The following AASS variants were observed in gnomAD, a reference collection of about 807,000 sequenced individuals.
AASS encodes the protein aminoadipate-semialdehyde synthase.
Under a neutral mutation model 105.4 loss-of-function variants are expected in AASS, and 86 were observed. The observed-to-expected ratio is 0.82, with a 90% confidence interval of 0.69 to 0.98. The LOEUF is 0.98. Ranked by LOEUF, AASS falls within the 50% of genes least tolerant of loss-of-function variation. The pLI, the probability that AASS is intolerant of heterozygous loss-of-function variation, is 0.00. For synonymous variants in AASS, 381 were observed against 394.8 expected (o/e 0.96, Z 0.41); for missense variants, 1,048 against 1,143.2 (o/e 0.92, Z 1.20).
chr7:122,103,127 A>G (rs2150525458), intron 11 of AASS, among the ~76,000 whole-genome samples: 1 of 152,202 alleles, frequency 6.6e-6, no homozygotes, highest in Admixed American at 6.5e-5. Context: ...ATGAAGCTCA[A>G]CAATCTCCAA....
At chr7:122,082,959 G>GT in intron 19 of AASS, 1 of 993,146 alleles carries the variant, frequency 1.0e-6, no homozygotes, top group East Asian at 6.0e-5. Context: ...AGACCATAAT[G>GT]GTTTATTCCC....
intron 2 of AASS, among the ~76,000 whole-genome samples, 183 bp from the exon 3 acceptor site, chr7:122,129,720 T>C (rs1421892385): frequency 6.6e-6 from 1 of 152,164 alleles, no homozygotes; most frequent in African/African-American, 2.4e-5. Context: ...AAATCTATCA[T>C]GTCAACTCTT....
At chr7:122,105,809 C>T (rs1279282651) in intron 11 of AASS, among the ~76,000 whole-genome samples, 1 of 151,958 alleles carries the variant, frequency 6.6e-6, no homozygotes, top group African/African-American at 2.4e-5. Flanking sequence ...CAATGTTGCA[C>T]CTCAAGGACC....
chr7:122,124,535 G>C (rs1408592597), intron 4 of AASS, among the ~76,000 whole-genome samples: 2 of 152,174 alleles, frequency 1.3e-5, no homozygotes, highest in South Asian at 4.2e-4. Flanking sequence ...TGCCCTCTTC[G>C]GCCTCCCGAA....
At chr7:122,107,995 T>G (rs919619809) in intron 11 of AASS, among the ~76,000 whole-genome samples, 3 of 148,632 alleles carry the variant, frequency 2.0e-5, no homozygotes, top group African/African-American at 7.4e-5. Context: ...ACATTACAAC[T>G]TATACCACAG....
Position 122,098,788 on chromosome 7 carries a change from T to A in AASS, c.1485A>T (p.Val495=). Reference sequence around the variant, plus strand: ...TGCCATCTCTTGATAAATATTCTAATACAGGCTCAGATATGTAGCCAGATC... The same window carrying A: ...TGCCATCTCTTGATAAATATTCTAAAACAGGCTCAGATATGTAGCCAGATC... ...VLGSGYISEP[V]LEYLSRDGNI... is the part of the protein sequence containing the mutation. The change falls in exon 14 of 24, where the codon GTA becomes GTT. Residue 495 remains valine, a synonymous_variant. Coordinates refer to ENST00000417368, the MANE Select transcript of AASS (RefSeq NM_005763.4). 6 of 1,596,532 alleles carry A rather than the reference T, an allele frequency of 3.8e-6. No individual in the cohort carries two copies. Among genetic ancestry groups the A allele is most frequent in the Non-Finnish European group, 5.1e-6 (6 of 1,172,552 alleles).
At chr7:122,140,226 C>G (rs1047765798) in intron 1 of AASS, among the ~76,000 whole-genome samples, 3 of 151,950 alleles carry the variant, frequency 2.0e-5, no homozygotes, top group Admixed American at 1.3e-4. Flanking sequence ...TGGCTCACAC[C>G]TGTAATCCCA....
intron 1 of AASS, 56 bp from the exon 2 acceptor site, chr7:122,133,797 G>T: frequency 6.9e-7 from 1 of 1,452,202 alleles, no homozygotes; most frequent in Non-Finnish European, 9.6e-7. Flanking sequence ...TGGCAGATCA[G>T]TTCTGGTCTC....
Position 122,133,743 on chromosome 7 carries a change from T to C in AASS, c.-15-2A>G. On this transcript the variant is annotated splice_acceptor_variant, in intron 1 of 23. Transcript: ENST00000417368. LOFTEE classifies it low-confidence loss of function (5UTR_SPLICE). ...TTGCAGCATCTTGACACCTGGTGAC[T>C]GTAAAGACAATGTAAAGAGCAGAGC... The C allele has an allele frequency of 6.2e-7, 1 of 1,613,136 alleles. No individual in the cohort carries two copies. Among genetic ancestry groups the C allele is most frequent in the Non-Finnish European group, 8.5e-7 (1 of 1,179,348 alleles).
In AASS at chr7:122,138,822, T is replaced by G. The variant is rs550028055; in HGVS notation, c.-15-5081A>C. ...GGGAAAGGAAAATGACAGAGACAGA[T>G]AGAGAGAGAGAGAAAAAAAAGGACA... On this transcript the variant is annotated intron_variant, in intron 1 of 23. Transcript: ENST00000417368. Among the ~76,000 whole-genome samples the G allele has an allele frequency of 1.5e-4, 22 of 151,438 alleles. No individual in the cohort carries two copies. In the Middle Eastern group the frequency reaches 0.01, roughly 70 times the overall value.
rs989278686 is a variant in AASS, at chr7:122,079,301, T to G, written c.2396+296A>C. On this transcript the variant is annotated intron_variant, in intron 21 of 23. Transcript: ENST00000417368. ...GGTCATATGAAAGAATGTTTTCATG[T>G]AATATTCTATGACTACTCCAAATCT... The G allele has an allele frequency of 3.7e-6, 5 of 1,346,656 alleles. No individual in the cohort carries two copies. In the African/African-American group the frequency reaches 7.4e-5, roughly 20 times the overall value. The allele number at this position is 1,346,656 out of a possible 1,614,324, so 83.4% of individuals were successfully genotyped here.
intron 4 of AASS, among the ~76,000 whole-genome samples, chr7:122,124,154 C>T (rs1795551645): frequency 6.6e-6 from 1 of 152,188 alleles, no homozygotes; most frequent in South Asian, 2.1e-4. Flanking sequence ...CACACTTGTA[C>T]TGTCCTCTCC....
chr7:122,111,467 A>C (rs1011542559), intron 11 of AASS, among the ~76,000 whole-genome samples: 1 of 152,214 alleles, frequency 6.6e-6, no homozygotes, highest in African/African-American at 2.4e-5. Flanking sequence ...CTGCAGGGAA[A>C]TGATGCCAAA....
In AASS at chr7:122,116,719, G is replaced by T; in HGVS notation, c.808C>A (p.His270Asn). ...VYGTVLSRHH[H>N]LVRKTDAVYD... Reference sequence around the variant, plus strand: ...ACAGCATCTGTTTTCCTGACAAGATGATGATGACGACTTAACACCGTCCCA... The same window carrying T: ...ACAGCATCTGTTTTCCTGACAAGATTATGATGACGACTTAACACCGTCCCA... Residue 270 changes from histidine to asparagine, a missense_variant, in exon 8 of 24, where the codon CAT becomes AAT. Physicochemically the swap from His to Asn is moderately conservative, Grantham distance 68. Transcript: ENST00000417368. The T allele has an allele frequency of 1.9e-6, 3 of 1,614,100 alleles. No individual in the cohort carries two copies. The highest frequency in any genetic ancestry group is 2.5e-6 in the Non-Finnish European group (3 of 1,179,990).
At chr7:122,101,472 A>G in intron 12 of AASS, 34 bp from the exon 13 acceptor site, 3 of 1,574,538 alleles carry the variant, frequency 1.9e-6, no homozygotes, top group Non-Finnish European at 2.6e-6. Context: ...TTTCTTTAGT[A>G]TCCACATTTT....
At chr7:122,085,871 C>T (rs1793597963) in intron 19 of AASS, 141 bp downstream of exon 19, 1 of 929,488 alleles carries the variant, frequency 1.1e-6, no homozygotes, top group Non-Finnish European at 1.7e-6. Context: ...CTAAAATATT[C>T]AATCAATCAT....
rs1795301126 is a variant in AASS at position 122,118,615 on chromosome 7, A to C, written c.488T>G (p.Leu163Ter). 2 of 1,613,804 alleles carry C rather than the reference A, an allele frequency of 1.2e-6. No homozygotes were observed. Among genetic ancestry groups the C allele is most frequent in the African/African-American group, 2.7e-5 (2 of 74,918 alleles). The stretch of plus-strand genomic sequence containing the variant: ...AAGGAGCCTTAAACCCATTCCATGT[A>C]AAATGTTGATCATTCCTGTTACAGA... ...WAGVAGMINI[L>*]HGMGLRLLAL... The change falls in exon 5 of 24, where the codon TTA (leucine) becomes TGA (stop). Residue 163 changes from leucine to a stop codon, truncating the protein, a stop_gained. Transcript: ENST00000417368. LOFTEE classifies it high-confidence loss of function.
chr7:122,115,355 G>A, intron 8 of AASS, 133 bp from the exon 9 acceptor site: 1 of 1,200,182 alleles, frequency 8.3e-7, no homozygotes, highest in Non-Finnish European at 1.2e-6. Context: ...TATTGTCCAT[G>A]TCAGTGTCCA....
chr7:122,077,878 C>A lies in AASS; in HGVS notation c.2622G>T (p.Val874=), dbSNP rs1562898374. Reference sequence around the variant, plus strand: ...TGGCTGCCATGGCGGTGGGTAACCCCACGGTTTTAGCCATGGCTGAAAAGC... The same window carrying A: ...TGGCTGCCATGGCGGTGGGTAACCCAACGGTTTTAGCCATGGCTGAAAAGC... The part of the protein sequence containing the change: ...INGFSAMAKT[V]GLPTAMAAKM... Residue 874 remains valine, a synonymous_variant, in exon 23 of 24, where the codon GTG becomes GTT. Transcript: ENST00000417368. 6.2e-7 allele frequency: 1 copy of A among 1,614,148 alleles called. No homozygotes were observed.
Sources: gnomAD v4.1 joint callset for allele counts (sites outside exome capture counted in the v4.1 genomes callset) on GRCh38, gnomAD v4.1.1 for gene constraint, MANE v1.5 for transcripts, NCBI Gene and HGNC (gene_info 2026-07-23, HGNC 2026-07-21) for gene names.